The following EZH2 variants were observed in gnomAD, a reference collection of about 807,000 sequenced individuals.
EZH2 encodes enhancer of zeste 2 polycomb repressive complex 2 subunit.
Under a neutral mutation model 98.4 loss-of-function variants are expected in EZH2, and 18 were observed. The observed-to-expected ratio is 0.18, with a 90% CI of 0.13 to 0.27. The LOEUF (loss-of-function observed/expected upper bound fraction) is 0.27. Among genes scored for constraint, EZH2 ranks in the 10% least tolerant of loss-of-function variants. The pLI is 1.00. For synonymous variants in EZH2, 338 were observed against 312.3 expected (o/e 1.08, Z -0.87); for missense variants, 470 against 935.1 (o/e 0.50, Z 6.49).
intron 8 of EZH2, among the ~76,000 whole-genome samples, chr7:148,826,208 GAA>G (rs910671757): frequency 3.6e-5 from 5 of 138,760 alleles, no homozygotes; most frequent in African/African-American, 1.1e-4. Context: ...ACTTACGGGG[GAA>G]AAAAAAAAAA....
intron 16 of EZH2, 77 bp downstream of exon 16, chr7:148,811,548 A>G: frequency 8.7e-7 from 1 of 1,151,242 alleles, no homozygotes; most frequent in East Asian, 2.5e-5. Context: ...CCACAGACTT[A>G]CCTAATAAAA....
chr7:148,859,741 A>C lies in EZH2; in HGVS notation c.-7-12436T>G, dbSNP rs112416590. The stretch of plus-strand genomic sequence containing the variant: ...AGCAAACCCAGGAGCAAACTATGTA[A>C]GAGCATGTTTTCTGGTAAAGATTCC... On this transcript the variant is annotated intron_variant, in intron 1 of 19. Coordinates refer to ENST00000320356, the MANE Select transcript of EZH2 (RefSeq NM_004456.5). 1.3e-5 allele frequency among the ~76,000 whole-genome samples: 2 copies of C among 152,304 alleles called. 1 individual carries two copies. The highest frequency in any genetic ancestry group is 4.8e-5 in the African/African-American group (2 of 41,562).
chr7:148,811,255 G>A (rs73158253), intron 16 of EZH2, among the ~76,000 whole-genome samples: 6,664 of 152,152 alleles, frequency 0.044, 248 homozygotes, highest in Admixed American at 0.1. Context: ...AGGCTCAAGC[G>A]ATCTTCCTGC....
intron 3 of EZH2, among the ~76,000 whole-genome samples, chr7:148,840,357 A>G (rs1219719286): frequency 1.3e-5 from 2 of 152,148 alleles, no homozygotes; most frequent in Non-Finnish European, 2.9e-5. Flanking sequence ...AAGAATGAAA[A>G]TTTGGACAGA....
chr7:148,828,682 C>T, intron 6 of EZH2, 58 bp downstream of exon 6: 1 of 1,567,222 alleles, frequency 6.4e-7, no homozygotes, highest in Non-Finnish European at 8.6e-7. Context: ...TCTACTCTTT[C>T]TACTGTTTTT....
intron 17 of EZH2, 75 bp downstream of exon 17, chr7:148,810,258 T>G: frequency 8.8e-7 from 1 of 1,141,294 alleles, no homozygotes; most frequent in African/African-American, 1.5e-5. Context: ...TCTACCCTCG[T>G]TTCTGAACAC....
chr7:148,843,229 T>A (rs1345351300), intron 3 of EZH2, among the ~76,000 whole-genome samples: 8 of 142,972 alleles, frequency 5.6e-5, no homozygotes, highest in African/African-American at 1.8e-4. Flanking sequence ...AAAAAAAAAA[T>A]TAGCCCGATG....
At position 148,846,612 on chromosome 7, in the gene EZH2, ATG is replaced by A; in HGVS notation, c.118-16_118-15del. 6.8e-7 allele frequency: 1 copy of A among 1,480,442 alleles called. No individual in the cohort carries two copies. The highest frequency in any genetic ancestry group is 9.3e-7 in the Non-Finnish European group (1 of 1,071,040). 91.7% of individuals were successfully genotyped at this position (1,480,442 alleles called of 1,614,324 possible). On this transcript the variant is annotated splice_polypyrimidine_tract_variant and intron_variant, in intron 2 of 19. Transcript: ENST00000320356. ...ACTAAACATACTCTTAAAAAAAAAA[ATG>A]AAGGAGAGGAAAGGAGAAATTGTTC...
intron 1 of EZH2, among the ~76,000 whole-genome samples, chr7:148,860,171 A>G (rs773374992): frequency 6.6e-6 from 1 of 152,184 alleles, no homozygotes; most frequent in Non-Finnish European, 1.5e-5. Context: ...TAAGGAACTT[A>G]TATGAAATCA....
At chr7:148,878,942 C>T (rs1402141504) in intron 1 of EZH2, among the ~76,000 whole-genome samples, 2 of 150,858 alleles carry the variant, frequency 1.3e-5, no homozygotes, top group African/African-American at 4.9e-5. Flanking sequence ...GTATCCAGGC[C>T]AGGCGTGCGC....
intron 17 of EZH2, chr7:148,810,115 C>T (rs959157830): frequency 2.3e-5 from 10 of 427,806 alleles, no homozygotes; most frequent in South Asian, 5.1e-5. Flanking sequence ...CACAGACAGC[C>T]GGGACTCCAG....
intron 1 of EZH2, among the ~76,000 whole-genome samples, chr7:148,878,427 C>A (rs1476243541): frequency 6.6e-6 from 1 of 152,194 alleles, no homozygotes; most frequent in Non-Finnish European, 1.5e-5. Flanking sequence ...TCTCCAGCTC[C>A]ATCCATGTAT....
At chr7:148,832,863 G>T in intron 3 of EZH2, 113 bp from the exon 4 acceptor site, 1 of 599,648 alleles carries the variant, frequency 1.7e-6, no homozygotes, top group Non-Finnish European at 2.9e-6. Context: ...TGAAAAAAAA[G>T]TCCTTACCTA....
intron 1 of EZH2, among the ~76,000 whole-genome samples, chr7:148,881,659 G>T (rs184677229): frequency 6.6e-6 from 1 of 152,218 alleles, no homozygotes; most frequent in Admixed American, 6.5e-5. Context: ...ATCCTAGGCT[G>T]GGCGTGGTGG....
intron 3 of EZH2, among the ~76,000 whole-genome samples, chr7:148,841,905 TCTG>T (rs1255053310): frequency 1.3e-5 from 2 of 152,150 alleles, no homozygotes; most frequent in Non-Finnish European, 2.9e-5. Context: ...CCCAAAAAAA[TCTG>T]CTAATATCAA....
rs78245416 is a variant in EZH2 at position 148,850,834 on chromosome 7, G to A, written c.-7-3529C>T. ...AAATATACCATGTTTTTTCCTATAC[G>A]TACATACCCATGAAGTTTAATTTAT... On this transcript the variant is annotated intron_variant, in intron 1 of 19. Transcript: ENST00000320356. Among the ~76,000 whole-genome samples the A allele has an allele frequency of 1.6e-3, 245 of 152,190 alleles. 1 individual carries two copies. Among genetic ancestry groups the A allele is most frequent in the African/African-American group, 5.8e-3 (239 of 41,506 alleles).
chr7:148,867,434 T>C (rs1054284272), intron 1 of EZH2, among the ~76,000 whole-genome samples: 1 of 152,208 alleles, frequency 6.6e-6, no homozygotes, highest in African/African-American at 2.4e-5. Context: ...TTACCATCTG[T>C]TGATTACTAT....
chr7:148,834,337 TTATA>T (rs746918834), intron 3 of EZH2, among the ~76,000 whole-genome samples: 12 of 142,754 alleles, frequency 8.4e-5, no homozygotes, highest in Non-Finnish European at 1.5e-4. Context: ...TGAAAAATCA[TTATA>T]TATATATATA....
intron 1 of EZH2, among the ~76,000 whole-genome samples, chr7:148,880,501 T>C (rs1820802584): frequency 6.6e-6 from 1 of 152,204 alleles, no homozygotes; most frequent in African/African-American, 2.4e-5. Context: ...ATACTATTAC[T>C]AAATATCCAG....
Sources: gnomAD v4.1 joint callset for allele counts (sites outside exome capture counted in the v4.1 genomes callset) on GRCh38, gnomAD v4.1.1 for gene constraint, MANE v1.5 for transcripts, NCBI Gene and HGNC (gene_info 2026-07-23, HGNC 2026-07-21) for gene names.